PCDH9: variants seen among roughly 807,000 people sequenced by gnomAD.
PCDH9 encodes the protein protocadherin 9.
Under a neutral mutation model 70.6 loss-of-function variants are expected in PCDH9, and 24 were observed. The ratio of observed to expected loss-of-function variants is 0.34; its 90% CI spans 0.25 to 0.48. The LOEUF (loss-of-function observed/expected upper bound fraction) is 0.48, where lower values mean the gene tolerates loss of function less well. Ranked by LOEUF, PCDH9 falls within the 20% of genes least tolerant of loss-of-function variation. The pLI, the probability that PCDH9 is intolerant of heterozygous loss-of-function variation, is 0.99. For missense variants in PCDH9, 1,281 were observed against 1,503.6 expected (o/e 0.85, Z 2.45); for synonymous variants, 562 against 558.5 (o/e 1.01, Z -0.09).
intron 2 of PCDH9, among the ~76,000 whole-genome samples, chr13:66,957,592 A>T (rs1012542474): frequency 6.6e-6 from 1 of 151,942 alleles, no homozygotes; most frequent in Admixed American, 6.6e-5. Context: ...GGCCTTTGGG[A>T]GATAATTAGG....
rs533156459 is a variant in PCDH9 at position 66,947,988 on chromosome 13, A to C, written c.3037-44383T>G. On this transcript the variant is annotated intron_variant, in intron 2 of 4. Coordinates refer to ENST00000377865, the MANE Select transcript of PCDH9 (RefSeq NM_203487.3). The stretch of plus-strand genomic sequence containing the variant: ...GAGGAAAATAGAATGTGGTAGAAAG[A>C]ATTTTTTAAGCATGGGGGGATGATG... Among the ~76,000 whole-genome samples the C allele has an allele frequency of 2.0e-5, 3 of 152,224 alleles. No homozygotes were observed. The South Asian group carries it at 6.2e-4, about 32-fold the overall frequency.
At chr13:66,397,485 T>TAC (rs2138285118) in intron 4 of PCDH9, among the ~76,000 whole-genome samples, 1 of 150,730 alleles carries the variant, frequency 6.6e-6, no homozygotes, top group South Asian at 2.1e-4. Context: ...TGTGTATATA[T>TAC]ATATATGTAT....
chr13:67,213,578 C>T (rs148641648), intron 2 of PCDH9: 18 of 152,134 alleles, frequency 1.2e-4, no homozygotes, highest in African/African-American at 4.3e-4. Context: ...ATAATATCCA[C>T]ACTATGTCCC....
At chr13:67,128,958 G>T (rs149168436) in intron 2 of PCDH9, among the ~76,000 whole-genome samples, 62 of 152,260 alleles carry the variant, frequency 4.1e-4, no homozygotes, top group African/African-American at 1.4e-3. Flanking sequence ...TAATCATTTT[G>T]TCAGTCCCCC....
intron 4 of PCDH9, among the ~76,000 whole-genome samples, chr13:66,626,951 CTGTGTGTGTGTGTGTG>C (rs10559380): frequency 2.7e-5 from 4 of 147,382 alleles, no homozygotes; most frequent in Admixed American, 6.8e-5. Context: ...TCAAATGCCA[CTGTGTGTGTGTGTGTG>C]TGTGTGTGTG....
chr13:66,629,274 T>C (rs1024437372), intron 4 of PCDH9, among the ~76,000 whole-genome samples: 1 of 152,204 alleles, frequency 6.6e-6, no homozygotes, highest in African/African-American at 2.4e-5. Context: ...CTTTCTTTTT[T>C]GGTTTTGTCT....
At chr13:67,009,253 C>T (rs2084409843) in intron 2 of PCDH9, among the ~76,000 whole-genome samples, 1 of 152,046 alleles carries the variant, frequency 6.6e-6, no homozygotes, top group African/African-American at 2.4e-5. Context: ...TGGGACTGTA[C>T]ATTGAGAAGC....
chr13:66,397,368 G>A (rs1156997580), intron 4 of PCDH9, among the ~76,000 whole-genome samples: 2 of 151,944 alleles, frequency 1.3e-5, no homozygotes, highest in East Asian at 3.9e-4. Flanking sequence ...TCGGTGAGCT[G>A]TGTTCATACC....
At chr13:66,953,186 G>A (rs142802505) in intron 2 of PCDH9, among the ~76,000 whole-genome samples, 1 of 151,814 alleles carries the variant, frequency 6.6e-6, no homozygotes, top group African/African-American at 2.4e-5. Flanking sequence ...ACACATGTTA[G>A]AGGCACTAGT....
intron 4 of PCDH9, among the ~76,000 whole-genome samples, chr13:66,561,112 A>C (rs2138706124): frequency 6.6e-6 from 1 of 152,330 alleles, no homozygotes; most frequent in East Asian, 1.9e-4. Flanking sequence ...CTTGTGAGCC[A>C]GCGCGAGTTC....
intron 4 of PCDH9, among the ~76,000 whole-genome samples, chr13:66,355,662 A>G (rs1227029739): frequency 6.6e-6 from 1 of 152,154 alleles, no homozygotes; most frequent in African/African-American, 2.4e-5. Flanking sequence ...AATTAACAAT[A>G]TACATTAAAT....
chr13:66,366,246 C>T (rs1956553161), intron 4 of PCDH9, among the ~76,000 whole-genome samples: 1 of 151,956 alleles, frequency 6.6e-6, no homozygotes, highest in Non-Finnish European at 1.5e-5. Context: ...CTATTATTCT[C>T]ATCTTATTAT....
chr13:66,467,071 G>C (rs1469412578), intron 4 of PCDH9, among the ~76,000 whole-genome samples: 2 of 151,950 alleles, frequency 1.3e-5, no homozygotes, highest in Non-Finnish European at 2.9e-5. Flanking sequence ...TAATACAATG[G>C]GGAAGTAGCT....
At chr13:66,991,253 A>G (rs934061996) in intron 2 of PCDH9, among the ~76,000 whole-genome samples, 3 of 152,108 alleles carry the variant, frequency 2.0e-5, no homozygotes, top group Non-Finnish European at 4.4e-5. Context: ...TACTATCTAA[A>G]AACTATAAAT....
At chr13:66,498,304 C>T (rs377310114) in intron 4 of PCDH9, among the ~76,000 whole-genome samples, 1 of 152,160 alleles carries the variant, frequency 6.6e-6, no homozygotes, top group South Asian at 2.1e-4. Context: ...ACCACCACGC[C>T]CACCTAATTT....
Position 66,742,574 on chromosome 13 carries a change from A to C in PCDH9, c.3139-111163T>G, listed in dbSNP as rs1365747109. Among the ~76,000 whole-genome samples the C allele has an allele frequency of 2.8e-5, 4 of 143,576 alleles. No individual in the cohort carries two copies. In the East Asian group the frequency reaches 6.4e-4, roughly 23 times the overall value. The allele number at this position is 143,576 out of a possible 152,430, so 94.2% of individuals were successfully genotyped here. A position where few individuals can be genotyped will look rare whatever the true frequency, so the allele number is the denominator to read the frequency against. ...AACAGGTAACCTACAACATGGGAGAAAATTTTCGCAACCTACTCATCTGAC... is the reference window on the plus strand; with the variant it reads ...AACAGGTAACCTACAACATGGGAGACAATTTTCGCAACCTACTCATCTGAC... On this transcript the variant is annotated intron_variant, in intron 3 of 4. Coordinates refer to ENST00000377865, the MANE Select transcript of PCDH9 (RefSeq NM_203487.3).
chr13:67,070,159 C>G (rs2085732716), intron 2 of PCDH9, among the ~76,000 whole-genome samples: 1 of 150,252 alleles, frequency 6.7e-6, no homozygotes, highest in African/African-American at 2.4e-5. Context: ...TTTTTTAATG[C>G]CTACATATCG....
chr13:66,491,334 A>G (rs1959028329), intron 4 of PCDH9, among the ~76,000 whole-genome samples: 1 of 150,828 alleles, frequency 6.6e-6, no homozygotes, highest in Admixed American at 6.6e-5. Context: ...CTAGAACGGA[A>G]CAGATTTTGG....
chr13:66,756,067 T>C (rs191103739), intron 3 of PCDH9, among the ~76,000 whole-genome samples: 11 of 152,268 alleles, frequency 7.2e-5, no homozygotes, highest in Admixed American at 6.5e-4. Flanking sequence ...CAATCACATT[T>C]CTGAAGAGAG....
Sources: allele counts gnomAD v4.1 joint callset (sites outside exome capture counted in the v4.1 genomes callset), GRCh38; gene constraint gnomAD v4.1.1; transcripts MANE v1.5; gene names NCBI Gene and HGNC (gene_info 2026-07-23, HGNC 2026-07-21).